Variants in PLPPR5 observed in about 807,000 individuals in gnomAD.
PLPPR5 encodes the protein phospholipid phosphatase related 5.
Under a neutral mutation model 33.9 loss-of-function variants are expected in PLPPR5, and 16 were observed. That is an observed-to-expected ratio of 0.47 (90% confidence interval 0.32 to 0.72). The LOEUF (loss-of-function observed/expected upper bound fraction) is 0.72, where lower values mean the gene tolerates loss of function less well. PLPPR5 is among the 30% of genes least tolerant of loss of function. PLPPR5 has a pLI of 0.03. For missense variants in PLPPR5, 301 were observed against 406.7 expected, an observed-to-expected ratio of 0.74 and a Z score of 2.23; for synonymous variants, 163 against 150.3, an observed-to-expected ratio of 1.08 and a Z score of -0.62.
At chr1:98,933,000 C>T in intron 3 of PLPPR5, among the ~76,000 whole-genome samples, 1 of 152,258 alleles carries the variant, frequency 6.6e-6, no homozygotes, top group South Asian at 2.1e-4. Context: ...CTATGTACCG[C>T]CCATTGATAC....
intron 1 of PLPPR5, among the ~76,000 whole-genome samples, chr1:98,994,261 G>A (rs1340222319): frequency 6.6e-6 from 1 of 151,826 alleles, no homozygotes; most frequent in Non-Finnish European, 1.5e-5. Flanking sequence ...AGGGGAGAGG[G>A]CAGCAAGAAT....
intron 3 of PLPPR5, among the ~76,000 whole-genome samples, chr1:98,943,793 G>A (rs1296660603): frequency 1.3e-5 from 2 of 152,204 alleles, no homozygotes; most frequent in East Asian, 3.9e-4. Context: ...TCACAAGACT[G>A]TTCAGATCCT....
At chr1:98,971,884 T>C (rs972888552) in intron 1 of PLPPR5, among the ~76,000 whole-genome samples, 1 of 152,072 alleles carries the variant, frequency 6.6e-6, no homozygotes, top group Non-Finnish European at 1.5e-5. Context: ...AGAGTTCTCA[T>C]GTTGACACAG....
chr1:98,946,231 C>G (rs77920354), intron 3 of PLPPR5, among the ~76,000 whole-genome samples: 3,268 of 152,244 alleles, frequency 0.021, 54 homozygotes, highest in Non-Finnish European at 0.032. Context: ...TCTACCAGAC[C>G]ATTTTTAAGC....
chr1:98,966,367 A>G lies in PLPPR5; in HGVS notation c.238-9626T>C, dbSNP rs80081952. Among the ~76,000 whole-genome samples, 47 of 152,354 alleles carry G rather than the reference A, an allele frequency of 3.1e-4. No individual in the cohort carries two copies. In the East Asian group the frequency reaches 8.9e-3, roughly 29 times the overall value. ...GGAAAATTTGGGAAACATTTAACAT[A>G]TAATAAAAGCTCATTTACACTGTTC... On this transcript the variant is annotated intron_variant, in intron 1 of 5. Coordinates refer to ENST00000263177, the MANE Select transcript of PLPPR5 (RefSeq NM_001037317.2).
At chr1:98,922,916 C>T (rs182686500) in intron 3 of PLPPR5, among the ~76,000 whole-genome samples, 3 of 151,928 alleles carry the variant, frequency 2.0e-5, no homozygotes, top group Non-Finnish European at 2.9e-5. Flanking sequence ...ACCCAGAAGG[C>T]GGAGCTTGCA....
chr1:99,000,691 C>T (rs1652806859), intron 1 of PLPPR5, among the ~76,000 whole-genome samples: 1 of 152,190 alleles, frequency 6.6e-6, no homozygotes, highest in Non-Finnish European at 1.5e-5. Context: ...AGTGATCTAT[C>T]TCCTCCTCTT....
At chr1:98,959,461 A>T (rs561894619) in intron 1 of PLPPR5, among the ~76,000 whole-genome samples, 1 of 152,346 alleles carries the variant, frequency 6.6e-6, no homozygotes, top group Admixed American at 6.5e-5. Context: ...TTTATTCTAC[A>T]GTTAGTTTCC....
intron 1 of PLPPR5, among the ~76,000 whole-genome samples, chr1:98,968,344 G>A (rs1200056995): frequency 6.6e-6 from 1 of 151,978 alleles, no homozygotes; most frequent in Non-Finnish European, 1.5e-5. Flanking sequence ...AAATTAGTAT[G>A]TGGGTTATTA....
chr1:98,944,368 G>A (rs181396986), intron 3 of PLPPR5, among the ~76,000 whole-genome samples: 1 of 152,310 alleles, frequency 6.6e-6, no homozygotes, highest in East Asian at 1.9e-4. Context: ...TTATCTGAAT[G>A]TGTGTATCCC....
At chr1:98,953,048 CA>C (rs1281939889) in intron 3 of PLPPR5, 21 bp downstream of exon 3, 1 of 1,612,460 alleles carries the variant, frequency 6.2e-7, no homozygotes, top group African/African-American at 1.3e-5. Context: ...ACTAAGACAA[CA>C]AATTTATAAT....
Position 98,890,407 on chromosome 1 carries a change from G to C in PLPPR5, c.*2665C>G, listed in dbSNP as rs1226625493. On this transcript the variant is annotated 3_prime_UTR_variant, in exon 6 of 6. Transcript: ENST00000263177. ...TGAGAAAAGAGAGGCCCAGTTAGAA[G>C]TGGAAAATACAAAGTCTGTCAAAGA... 1 of 152,478 alleles carries C rather than the reference G, an allele frequency of 6.6e-6. No homozygotes were observed. Among genetic ancestry groups the C allele is most frequent in the Non-Finnish European group, 1.5e-5 (1 of 67,978 alleles). 9.4% of individuals were successfully genotyped at this position (152,478 alleles called of 1,614,324 possible).
intron 3 of PLPPR5, among the ~76,000 whole-genome samples, chr1:98,930,191 A>G (rs1468287579): frequency 6.6e-6 from 1 of 152,182 alleles, no homozygotes; most frequent in Non-Finnish European, 1.5e-5. Flanking sequence ...GAACCTGCAA[A>G]ACTTAAAATA....
chr1:99,003,403 A>G (rs1652942621), intron 1 of PLPPR5, among the ~76,000 whole-genome samples: 6 of 151,460 alleles, frequency 4.0e-5, no homozygotes, highest in Admixed American at 2.0e-4. Context: ...TTTCCCCTTC[A>G]TTTTCTTATT....
chr1:98,894,379 G>A (rs1288001750), intron 5 of PLPPR5, among the ~76,000 whole-genome samples: 3 of 152,014 alleles, frequency 2.0e-5, no homozygotes, highest in South Asian at 2.1e-4. Flanking sequence ...AATGCACTAT[G>A]ATTGAATTAA....
rs149881603 is a variant in PLPPR5, at chr1:98,924,258, A to C, written c.622-2200T>G. On this transcript the variant is annotated intron_variant, in intron 3 of 5. Coordinates refer to ENST00000263177, the MANE Select transcript of PLPPR5 (RefSeq NM_001037317.2). ...CTGTTACCTCCATTTTATAGGTTAA[A>C]AACTGAATCAAGATAAAGCTTATTA... Among the ~76,000 whole-genome samples, 6 of 152,342 alleles carry C rather than the reference A, an allele frequency of 3.9e-5. No individual in the cohort carries two copies. The East Asian group carries it at 1.2e-3, about 29-fold the overall frequency.
At chr1:98,951,545 T>C (rs1650784567) in intron 3 of PLPPR5, among the ~76,000 whole-genome samples, 1 of 152,188 alleles carries the variant, frequency 6.6e-6, no homozygotes. Flanking sequence ...GATGGGATTT[T>C]TAAAATGTCC....
chr1:98,963,762 C>T (rs558875617), intron 1 of PLPPR5, among the ~76,000 whole-genome samples: 30 of 152,140 alleles, frequency 2.0e-4, no homozygotes, highest in Non-Finnish European at 4.1e-4. Flanking sequence ...AGATAGGGCA[C>T]AAAGCACCTC....
intron 1 of PLPPR5, among the ~76,000 whole-genome samples, chr1:98,976,378 A>T (rs1651854685): frequency 6.6e-6 from 1 of 152,132 alleles, no homozygotes; most frequent in Non-Finnish European, 1.5e-5. Flanking sequence ...TGTAAAAATC[A>T]TGTTTGAAAC....
Sources: allele counts gnomAD v4.1 joint callset (sites outside exome capture counted in the v4.1 genomes callset), GRCh38; gene constraint gnomAD v4.1.1; transcripts MANE v1.5; gene names NCBI Gene and HGNC (gene_info 2026-07-23, HGNC 2026-07-21).